Variants in ACVRL1 observed in about 807,000 individuals in gnomAD.
ACVRL1 encodes activin receptor type-1-like.
ACVRL1 carries 20 observed loss-of-function variants against 51.9 expected under a neutral mutation model. The ratio of observed to expected loss-of-function variants is 0.39; its 90% CI spans 0.27 to 0.56. The LOEUF (loss-of-function observed/expected upper bound fraction) is 0.56. Among genes scored for constraint, ACVRL1 ranks in the 20% least tolerant of loss-of-function variants. The probability of loss-of-function intolerance (pLI) is 0.67; values close to 1 mark genes in which losing one functional copy is unlikely to be tolerated. For synonymous variants in ACVRL1, 288 were observed against 280.9 expected (o/e 1.03, Z -0.25); for missense variants, 451 against 670.3 (o/e 0.67, Z 3.61).
intron 8 of ACVRL1, among the ~76,000 whole-genome samples, chr12:51,918,148 T>A (rs1366649134): frequency 2.0e-5 from 3 of 152,192 alleles, no homozygotes; most frequent in Admixed American, 6.5e-5. Context: ...AGAAAGCTCC[T>A]ACTAAAAACT....
chr12:51,907,087 C>T (rs1284224201), upstream of ACVRL1: 1 of 152,258 alleles, frequency 6.6e-6, no homozygotes, highest in African/African-American at 2.4e-5. The surrounding 1 kb of genome is among the most constrained non-coding windows in gnomAD (Gnocchi z 4.5). Context: ...GGCCCCTCCG[C>T]TGCTGCCAGC....
intron 8 of ACVRL1, 42 bp downstream of exon 8, chr12:51,916,275 C>G: frequency 6.9e-6 from 11 of 1,598,112 alleles, no homozygotes; most frequent in African/African-American, 2.7e-5. Context: ...GGGGAATCAG[C>G]CTGTGGAGCC....
rs760239590 is a variant in ACVRL1, at chr12:51,922,226, T to G, written c.*1333T>G. The G allele has an allele frequency of 6.6e-6, 1 of 152,026 alleles. No individual in the cohort carries two copies. Among genetic ancestry groups the G allele is most frequent in the Non-Finnish European group, 1.5e-5 (1 of 68,014 alleles). The allele number at this position is 152,026 out of a possible 1,614,324, so 9.4% of individuals were successfully genotyped here. ...AAATAACTTTACCTGACTCAAGGAGTGTCTGGAGCACCTCCTAGTCTAAGT... is the reference window on the plus strand; with the variant it reads ...AAATAACTTTACCTGACTCAAGGAGGGTCTGGAGCACCTCCTAGTCTAAGT... On this transcript the variant is annotated 3_prime_UTR_variant, in exon 10 of 10. Coordinates refer to ENST00000388922, the MANE Select transcript of ACVRL1 (RefSeq NM_000020.3).
At position 51,914,514 on chromosome 12, in the gene ACVRL1, G is replaced by C; in HGVS notation, c.701G>C (p.Arg234Thr). 1.2e-6 allele frequency: 2 copies of C among 1,614,100 alleles called. No individual in the cohort carries two copies. The highest frequency in any genetic ancestry group is 1.7e-6 in the Non-Finnish European group (2 of 1,180,014). Residue 234 changes from arginine to threonine, a missense_variant, in exon 6 of 10, where the codon AGG (arginine) becomes ACG (threonine). Physicochemically the swap from Arg to Thr is moderately conservative, Grantham distance 71. Coordinates refer to ENST00000388922, the MANE Select transcript of ACVRL1 (RefSeq NM_000020.3). Reference protein sequence around the residue: ...ESVAVKIFSSRDEQSWFRETE... With the variant: ...ESVAVKIFSSTDEQSWFRETE... ...GTGGCCGTCAAGATCTTCTCCTCGA[G>C]GGATGAACAGTCCTGGTTCCGGGAG...
chr12:51,910,693 C>T (rs1184631585), intron 1 of ACVRL1, among the ~76,000 whole-genome samples: 1 of 152,198 alleles, frequency 6.6e-6, no homozygotes, highest in Non-Finnish European at 1.5e-5. Context: ...GCTAGTACCC[C>T]AGTGGGCAGA....
At chr12:51,916,258 A>G (rs1940839597) in intron 8 of ACVRL1, 25 bp downstream of exon 8, 1 of 1,610,912 alleles carries the variant, frequency 6.2e-7, no homozygotes, top group South Asian at 1.1e-5. Context: ...TACACAGGGT[A>G]GGGAAAGGGG....
intron 1 of ACVRL1, among the ~76,000 whole-genome samples, chr12:51,910,249 T>TG (rs1940662704): frequency 6.6e-6 from 1 of 152,192 alleles, no homozygotes; most frequent in Admixed American, 6.5e-5. Context: ...CTGTAGTAGA[T>TG]GGGGAGTATC....
intron 8 of ACVRL1, among the ~76,000 whole-genome samples, chr12:51,918,611 A>G (rs1380467371): frequency 6.6e-6 from 1 of 152,164 alleles, no homozygotes; most frequent in Non-Finnish European, 1.5e-5. Flanking sequence ...GGAATCCGAG[A>G]TGGGTTTGAG....
chr12:51,908,257 C>T (rs765012812), intron 1 of ACVRL1, among the ~76,000 whole-genome samples: 57 of 152,346 alleles, frequency 3.7e-4, no homozygotes, highest in Non-Finnish European at 7.3e-4. Flanking sequence ...CCAGTCTCCC[C>T]CCAGGCTGGG....
At chr12:51,915,076 G>A in intron 6 of ACVRL1, 149 bp from the exon 7 acceptor site, 1 of 893,422 alleles carries the variant, frequency 1.1e-6, no homozygotes. Flanking sequence ...CTCTGTCTCT[G>A]ACCTAAGCCA....
In ACVRL1 at chr12:51,920,951, G is replaced by T. The variant is rs182368657; in HGVS notation, c.*58G>T. Reference sequence around the variant, plus strand: ...GGGGCTGGGGGGGTGGGGGGCAGTGGATGGTGCCCTATCTGGGTAGAGGTA... The same window carrying T: ...GGGGCTGGGGGGGTGGGGGGCAGTGTATGGTGCCCTATCTGGGTAGAGGTA... On this transcript the variant is annotated 3_prime_UTR_variant, in exon 10 of 10. Coordinates refer to ENST00000388922, the MANE Select transcript of ACVRL1 (RefSeq NM_000020.3). 7.9e-7 allele frequency: 1 copy of T among 1,263,000 alleles called. No homozygotes were observed. The highest frequency in any genetic ancestry group is 1.1e-6 in the Non-Finnish European group (1 of 901,642). The allele number at this position is 1,263,000 out of a possible 1,614,324, so 78.2% of individuals were successfully genotyped here. A position where few individuals can be genotyped will look rare whatever the true frequency, so the allele number is the denominator to read the frequency against.
In ACVRL1 at chr12:51,913,229, G is replaced by T; in HGVS notation, c.192G>T (p.Gln64His). The change falls in exon 3 of 10, where the codon CAG (glutamine) becomes CAT (histidine). Residue 64 changes from glutamine (Q) to histidine (H), a missense_variant. Physicochemically the swap from Gln to His is conservative, Grantham distance 24 (BLOSUM62 0). This residue lies in a region of ACVRL1 where 192 missense variants were observed against 216.9 expected (regional missense o/e 0.89). Coordinates refer to ENST00000388922, the MANE Select transcript of ACVRL1 (RefSeq NM_000020.3). ...VLVREEGRHP[Q>H]EHRGCGNLHR... ...TGCGGGAGGAGGGGAGGCACCCCCA[G>T]GAACATCGGGGCTGCGGGAACTTGC... 1 of 1,589,754 alleles carries T rather than the reference G, an allele frequency of 6.3e-7. No homozygotes were observed.
rs745810201 is a variant in ACVRL1, at chr12:51,922,975, G to T, written c.*2082G>T. ...CAGATCATTAGGGCAGAGTTTGCAC[G>T]TCCTCTGGTCACTGGAATCCACCCA... is the stretch of plus-strand genomic sequence containing the variant. On this transcript the variant is annotated 3_prime_UTR_variant, in exon 10 of 10. Coordinates refer to ENST00000388922, the MANE Select transcript of ACVRL1 (RefSeq NM_000020.3). The T allele has an allele frequency of 1.1e-4, 17 of 152,630 alleles. No individual in the cohort carries two copies. Among genetic ancestry groups the T allele is most frequent in the Non-Finnish European group, 2.2e-4 (15 of 68,056 alleles). The allele number at this position is 152,630 out of a possible 1,614,324, so 9.5% of individuals were successfully genotyped here. A position where few individuals can be genotyped will look rare whatever the true frequency, so the allele number is the denominator to read the frequency against.
At chr12:51,916,327 T>C in intron 8 of ACVRL1, 94 bp downstream of exon 8, 4 of 1,394,168 alleles carry the variant, frequency 2.9e-6, no homozygotes, top group Non-Finnish European at 3.9e-6. Flanking sequence ...CCTGGGAGGT[T>C]TGCAGTCAGA....
chr12:51,917,920 C>T lies in ACVRL1; in HGVS notation c.1247-1065C>T, dbSNP rs1301311329. Among the ~76,000 whole-genome samples, 1 of 152,166 alleles carries T rather than the reference C, an allele frequency of 6.6e-6. No individual in the cohort carries two copies. The highest frequency in any genetic ancestry group is 2.4e-5 in the African/African-American group (1 of 41,432). ...ATAAACACTGTAATCTGGTGTCAGC[C>T]CCGGCACTGATTAAAGGCCCATTAG... is the stretch of plus-strand genomic sequence containing the variant. On this transcript the variant is annotated intron_variant, in intron 8 of 9. Transcript: ENST00000388922. This position sits in a 1 kb window ranked among gnomAD's most constrained non-coding sequence, Gnocchi z 4.2.
Position 51,916,141 on chromosome 12 carries a change from T to C in ACVRL1, c.1154T>C (p.Ile385Thr). The change falls in exon 8 of 10, where the codon ATC (isoleucine) becomes ACC (threonine). Residue 385 changes from isoleucine (I) to threonine (T), a missense_variant. Ile to Thr is a moderately conservative substitution (Grantham distance 89). Transcript: ENST00000388922. Reference protein sequence around the residue: ...YMAPEVLDEQIRTDCFESYKW... With the variant: ...YMAPEVLDEQTRTDCFESYKW... ...GCACCCGAGGTGCTGGACGAGCAGA[T>C]CCGCACGGACTGCTTTGAGTCCTAC... 6.2e-7 allele frequency: 1 copy of C among 1,614,098 alleles called. No homozygotes were observed. Among genetic ancestry groups the C allele is most frequent in the Non-Finnish European group, 8.5e-7 (1 of 1,180,034 alleles).
intron 6 of ACVRL1, 125 bp downstream of exon 6, chr12:51,914,710 CTCTT>C (rs1333474858): frequency 1.3e-5 from 7 of 545,568 alleles, no homozygotes; most frequent in Non-Finnish European, 2.0e-5. Context: ...CAGCATCAAC[CTCTT>C]TTTTTAATTT....
At chr12:51,915,130 C>A in intron 6 of ACVRL1, 95 bp from the exon 7 acceptor site, 1 of 1,360,730 alleles carries the variant, frequency 7.3e-7, no homozygotes, top group Non-Finnish European at 1.0e-6. Flanking sequence ...TGACCCAGTC[C>A]ATTCCCTCTC....
chr12:51,910,859 C>A (rs1446103066), intron 1 of ACVRL1, among the ~76,000 whole-genome samples: 1 of 152,188 alleles, frequency 6.6e-6, no homozygotes, highest in Non-Finnish European at 1.5e-5. Flanking sequence ...TCTGTTTCCT[C>A]CCCCAGCCTG....
Sources: allele counts gnomAD v4.1 joint callset (sites outside exome capture counted in the v4.1 genomes callset), GRCh38; gene constraint gnomAD v4.1.1; regional missense constraint gnomAD v4.1.1; non-coding constraint Gnocchi (gnomAD v3.1); transcripts MANE v1.5; gene names NCBI Gene and HGNC (gene_info 2026-07-23, HGNC 2026-07-21).